The following BEND6 variants were observed in gnomAD, a reference collection of about 807,000 sequenced individuals.
The protein encoded by BEND6 is BEN domain containing 6, also known as BEN domain-containing protein 6.
A neutral mutation model predicts 31.8 loss-of-function variants in BEND6; 24 were observed. The ratio of observed to expected loss-of-function variants is 0.75; its 90% confidence interval spans 0.55 to 1.06. The LOEUF (loss-of-function observed/expected upper bound fraction) is 1.06. Ranked by LOEUF, BEND6 falls within the 50% of genes least tolerant of loss-of-function variation. The pLI, the probability that BEND6 is intolerant of heterozygous loss-of-function variation, is 0.00. For missense variants in BEND6, 294 were observed against 327.4 expected (o/e 0.90, Z 0.79); for synonymous variants, 109 against 114.6 (o/e 0.95, Z 0.31).
chr6:56,957,345 A>C (rs1170340724), intron 1 of BEND6, among the ~76,000 whole-genome samples: 2 of 152,176 alleles, frequency 1.3e-5, no homozygotes, highest in African/African-American at 4.8e-5. Context: ...TACTAATAAT[A>C]AACAAACCAA....
intron 2 of BEND6, among the ~76,000 whole-genome samples, chr6:56,991,038 A>C (rs1826478612): frequency 6.6e-6 from 1 of 152,228 alleles, no homozygotes; most frequent in African/African-American, 2.4e-5. Flanking sequence ...ATAATATTGC[A>C]ATCTAATGAA....
At chr6:57,025,178 G>A (rs1827863488) in intron 6 of BEND6, among the ~76,000 whole-genome samples, 1 of 152,154 alleles carries the variant, frequency 6.6e-6, no homozygotes, top group Non-Finnish European at 1.5e-5. Context: ...CTTGGTCAGA[G>A]AGTTCACATA....
intron 1 of BEND6, among the ~76,000 whole-genome samples, chr6:56,960,086 G>A (rs2127836819): frequency 6.6e-6 from 1 of 152,214 alleles, no homozygotes; most frequent in African/African-American, 2.4e-5. Flanking sequence ...TTATCCACAA[G>A]CAAATAGAAT....
At chr6:57,016,048 A>T (rs1401154215) in intron 4 of BEND6, among the ~76,000 whole-genome samples, 1 of 152,198 alleles carries the variant, frequency 6.6e-6, no homozygotes, top group Non-Finnish European at 1.5e-5. Context: ...AAACTTTAAA[A>T]TTCTCATACC....
At chr6:56,960,340 AGCTGAAGATATT>A (rs1206668891) in intron 1 of BEND6, among the ~76,000 whole-genome samples, 2 of 152,216 alleles carry the variant, frequency 1.3e-5, no homozygotes, top group Admixed American at 1.3e-4. Flanking sequence ...CAAGTTTGAA[AGCTGAAGATATT>A]GCCTTCTAGA....
chr6:57,020,614 G>T (rs532400297), intron 6 of BEND6, among the ~76,000 whole-genome samples: 4 of 151,872 alleles, frequency 2.6e-5, no homozygotes, highest in African/African-American at 7.3e-5. Context: ...AGAGACGGGG[G>T]TTTCACCATG....
chr6:56,985,521 G>A (rs1255813954), intron 2 of BEND6, among the ~76,000 whole-genome samples: 1 of 152,140 alleles, frequency 6.6e-6, no homozygotes, highest in African/African-American at 2.4e-5. Flanking sequence ...GGAGAATACA[G>A]GCAGAAGAAG....
At chr6:56,959,316 A>G (rs1825208159) in intron 1 of BEND6, among the ~76,000 whole-genome samples, 1 of 152,204 alleles carries the variant, frequency 6.6e-6, no homozygotes. Context: ...TTTTAGGGAA[A>G]GATAAGGAAT....
In BEND6 at chr6:57,019,639, CT is replaced by C. The variant is rs568957776; in HGVS notation, c.*9+1084del. ...CACTCCCATCCTCCCCCAAGAGTCC[CT>C]TATCTATTTTGCTACACAACTAAGA... On this transcript the variant is annotated intron_variant, in intron 6 of 6. Transcript: ENST00000370746. Among the ~76,000 whole-genome samples the C allele has an allele frequency of 4.6e-5, 7 of 152,306 alleles. No homozygotes were observed. The South Asian group carries it at 1.5e-3, about 32-fold the overall frequency.
Position 56,960,027 on chromosome 6 carries a change from C to T in BEND6, c.-101+4567C>T, listed in dbSNP as rs116035247. ...TTAAAAACATCAATATAATTGAATT[C>T]GTCTACTATATAATGCTTTGCAGAC... On this transcript the variant is annotated intron_variant, in intron 1 of 6. Transcript: ENST00000370746. Among the ~76,000 whole-genome samples, 1,478 of 152,212 alleles carry T rather than the reference C, an allele frequency of 9.7e-3. 16 individuals carry two copies. Among genetic ancestry groups the T allele is most frequent in the African/African-American group, 0.033 (1,389 of 41,542 alleles).
In BEND6 at chr6:57,017,230, T is replaced by C; in HGVS notation, c.543T>C (p.Ile181=). 1 of 1,567,130 alleles carries C rather than the reference T, an allele frequency of 6.4e-7. No homozygotes were observed. The highest frequency in any genetic ancestry group is 8.6e-7 in the Non-Finnish European group (1 of 1,157,934). ...EKQFQIEKWQ[I]ARCNKSKPQK... ...AGTTCCAGATTGAAAAATGGCAGAT[T>C]GCCCGTTGTAACAAGAGCAAGCCTC... is the stretch of plus-strand genomic sequence containing the variant. Residue 181 remains isoleucine, a synonymous_variant, in exon 5 of 7, where the codon ATT becomes ATC. Transcript: ENST00000370746.
intron 3 of BEND6, among the ~76,000 whole-genome samples, chr6:57,000,639 A>C (rs962365038): frequency 1.3e-4 from 20 of 152,056 alleles, no homozygotes; most frequent in African/African-American, 4.8e-4. Flanking sequence ...TAATGAAAAA[A>C]AAAAAAAAAG....
At chr6:56,967,117 C>T (rs967645230) in intron 1 of BEND6, among the ~76,000 whole-genome samples, 5 of 152,000 alleles carry the variant, frequency 3.3e-5, no homozygotes, top group African/African-American at 7.3e-5. Context: ...AGGAATCTAT[C>T]GGCTGGCAAC....
intron 2 of BEND6, among the ~76,000 whole-genome samples, chr6:56,991,378 T>G (rs2127862103): frequency 6.6e-6 from 1 of 152,118 alleles, no homozygotes; most frequent in East Asian, 1.9e-4. Context: ...TTTTTTTAAT[T>G]TTTACGTTGT....
In BEND6 at chr6:56,978,241, C is replaced by T. The variant is rs116040669; in HGVS notation, c.-100-3470C>T. On this transcript the variant is annotated intron_variant, in intron 1 of 6. Coordinates refer to ENST00000370746, the MANE Select transcript of BEND6 (RefSeq NM_152731.3). ...AAGGCTGCAGTGACTTAGGATCATG[C>T]CACTGCACTCCAGCCTGGGTGAGAG... Among the ~76,000 whole-genome samples the T allele has an allele frequency of 9.4e-3, 1,433 of 152,150 alleles. 21 individuals carry two copies. The highest frequency in any genetic ancestry group is 0.033 in the African/African-American group (1,355 of 41,498).
At chr6:56,983,937 G>C (rs144409422) in intron 2 of BEND6, among the ~76,000 whole-genome samples, 1 of 152,214 alleles carries the variant, frequency 6.6e-6, no homozygotes, top group East Asian at 1.9e-4. Context: ...AACTTTGTGA[G>C]GCCAGATGCA....
chr6:57,018,579 T>G (rs772999680), intron 6 of BEND6, 22 bp downstream of exon 6: 3 of 1,476,226 alleles, frequency 2.0e-6, no homozygotes, highest in African/African-American at 2.9e-5. Context: ...AAATCTTCAG[T>G]CCTTTCAATG....
intron 3 of BEND6, among the ~76,000 whole-genome samples, chr6:56,993,615 T>C (rs1826591922): frequency 6.6e-6 from 1 of 152,240 alleles, no homozygotes; most frequent in Non-Finnish European, 1.5e-5. Flanking sequence ...CTTCATACTT[T>C]TAAGTAGAAA....
chr6:56,957,982 G>C (rs1053400270), intron 1 of BEND6, among the ~76,000 whole-genome samples: 4 of 152,106 alleles, frequency 2.6e-5, no homozygotes, highest in Non-Finnish European at 5.9e-5. Context: ...CCAAAATGGG[G>C]CATCTTATTC....
Sources: allele counts gnomAD v4.1 joint callset (sites outside exome capture counted in the v4.1 genomes callset), GRCh38; gene constraint gnomAD v4.1.1; transcripts MANE v1.5; gene names NCBI Gene and HGNC (gene_info 2026-07-23, HGNC 2026-07-21).